Variants in SHISA6 observed in about 807,000 individuals in gnomAD.
SHISA6 encodes the protein protein shisa-6.
In SHISA6, 22 loss-of-function variants were observed where a neutral mutation model predicts 47.9. The ratio of observed to expected loss-of-function variants is 0.46; its 90% CI spans 0.33 to 0.66. The LOEUF is 0.66. Ranked by LOEUF, SHISA6 falls within the 30% of genes least tolerant of loss-of-function variation. The pLI, the probability that SHISA6 is intolerant of heterozygous loss-of-function variation, is 0.02. For synonymous variants in SHISA6, 388 were observed against 337.8 expected (o/e 1.15, Z -1.63); for missense variants, 680 against 764.6 (o/e 0.89, Z 1.30).
intron 5 of SHISA6, among the ~76,000 whole-genome samples, chr17:11,556,937 T>C (rs2071986417): frequency 6.6e-6 from 1 of 152,172 alleles, no homozygotes; most frequent in African/African-American, 2.4e-5. Context: ...GCTTGTAGCA[T>C]GCAAGTTCCA....
chr17:11,315,786 C>T (rs1326711734), intron 2 of SHISA6, among the ~76,000 whole-genome samples: 1 of 152,096 alleles, frequency 6.6e-6, no homozygotes, highest in Non-Finnish European at 1.5e-5. Context: ...TGTTTGCCAA[C>T]ATTTTATTCA....
intron 3 of SHISA6, among the ~76,000 whole-genome samples, chr17:11,518,470 C>T (rs886339440): frequency 2.7e-5 from 4 of 150,886 alleles, no homozygotes; most frequent in Admixed American, 6.6e-5. Flanking sequence ...CAAACACATA[C>T]ACACATACAC....
intron 2 of SHISA6, among the ~76,000 whole-genome samples, chr17:11,309,622 A>G (rs967785825): frequency 1.3e-5 from 2 of 152,074 alleles, no homozygotes; most frequent in African/African-American, 4.8e-5. Context: ...CAGTGGCCAT[A>G]CTCTAAGGCA....
chr17:11,459,949 T>A (rs1002414473), intron 3 of SHISA6, among the ~76,000 whole-genome samples: 2 of 152,200 alleles, frequency 1.3e-5, no homozygotes. Flanking sequence ...AGAACCCTGA[T>A]GCGTTCAAGA....
intron 2 of SHISA6, among the ~76,000 whole-genome samples, chr17:11,296,771 C>T (rs1403228181): frequency 2.0e-5 from 3 of 151,998 alleles, no homozygotes; most frequent in African/African-American, 7.3e-5. Context: ...AGGTCATTTG[C>T]ATAGCAGGAG....
chr17:11,244,734 G>A (rs1048656334), intron 1 of SHISA6, among the ~76,000 whole-genome samples: 5 of 152,196 alleles, frequency 3.3e-5, no homozygotes, highest in African/African-American at 4.8e-5. Flanking sequence ...GAGAGGAAGC[G>A]GATGTGCATG....
intron 3 of SHISA6, among the ~76,000 whole-genome samples, chr17:11,430,975 G>C (rs2142289607): frequency 6.6e-6 from 1 of 152,312 alleles, no homozygotes; most frequent in Non-Finnish European, 1.5e-5. Context: ...GGCTGGAATG[G>C]GCATTTGCTA....
chr17:11,467,536 G>C (rs759703055), intron 3 of SHISA6, among the ~76,000 whole-genome samples: 2 of 152,136 alleles, frequency 1.3e-5, no homozygotes, highest in Non-Finnish European at 2.9e-5. Flanking sequence ...AGTGAGACAA[G>C]AGAGGGACCC....
At chr17:11,509,753 A>C (rs573449245) in intron 3 of SHISA6, among the ~76,000 whole-genome samples, 1 of 152,290 alleles carries the variant, frequency 6.6e-6, no homozygotes, top group Admixed American at 6.5e-5. Flanking sequence ...GCAGTGTCCC[A>C]CTCTGGGATA....
intron 3 of SHISA6, among the ~76,000 whole-genome samples, chr17:11,456,936 G>A (rs1475053352): frequency 1.3e-5 from 2 of 152,144 alleles, no homozygotes; most frequent in Non-Finnish European, 2.9e-5. Context: ...CTCAGCTCCT[G>A]TAGGCTGTCA....
chr17:11,506,700 A>G (rs1300974470), intron 3 of SHISA6, among the ~76,000 whole-genome samples: 1 of 152,210 alleles, frequency 6.6e-6, no homozygotes, highest in Non-Finnish European at 1.5e-5. Flanking sequence ...TACCTGAAAA[A>G]GCAGTGATTC....
chr17:11,387,195 C>T (rs1913224675), intron 3 of SHISA6, among the ~76,000 whole-genome samples: 1 of 152,152 alleles, frequency 6.6e-6, no homozygotes. Flanking sequence ...CAACCCTGAA[C>T]AGATCTCGTC....
intron 2 of SHISA6, among the ~76,000 whole-genome samples, chr17:11,358,483 C>T (rs1366039197): frequency 6.6e-6 from 1 of 151,578 alleles, no homozygotes; most frequent in African/African-American, 2.4e-5. Context: ...CCTCAGCCTC[C>T]CGAGTAGCTG....
Position 11,558,833 on chromosome 17 carries a change from G to C in SHISA6, c.*529G>C, listed in dbSNP as rs1451766137. 1 of 169,776 alleles carries C rather than the reference G, an allele frequency of 5.9e-6. No individual in the cohort carries two copies. The highest frequency in any genetic ancestry group is 2.4e-5 in the African/African-American group (1 of 41,832). The allele number at this position is 169,776 out of a possible 1,614,324, so 10.5% of individuals were successfully genotyped here. ...CTGCTCGCTCTCTCAGAGCCAGGGAGCTGCTGTGTCCATAAGCACAATAAT... is the reference window on the plus strand; with the variant it reads ...CTGCTCGCTCTCTCAGAGCCAGGGACCTGCTGTGTCCATAAGCACAATAAT... On this transcript the variant is annotated 3_prime_UTR_variant, in exon 6 of 6. Transcript: ENST00000441885.
chr17:11,370,779 G>A (rs1402315048), intron 2 of SHISA6, among the ~76,000 whole-genome samples: 4 of 152,136 alleles, frequency 2.6e-5, no homozygotes, highest in African/African-American at 9.7e-5. Flanking sequence ...ACCCTCTTTG[G>A]GTTTATACTT....
intron 1 of SHISA6, 140 bp downstream of exon 1, chr17:11,242,200 C>A: frequency 8.3e-7 from 1 of 1,199,586 alleles, no homozygotes; most frequent in Non-Finnish European, 1.2e-6. Flanking sequence ...CTTTTGCATG[C>A]AATAAATCAG....
At chr17:11,486,031 G>T (rs911098858) in intron 3 of SHISA6, among the ~76,000 whole-genome samples, 1 of 152,194 alleles carries the variant, frequency 6.6e-6, no homozygotes, top group East Asian at 1.9e-4. Context: ...AACAAAAACT[G>T]CTGTAAGAAG....
chr17:11,290,203 A>T (rs1909472200), intron 2 of SHISA6: 1 of 146,846 alleles, frequency 6.8e-6, no homozygotes, highest in African/African-American at 2.5e-5. Flanking sequence ...AATTTTGGAA[A>T]TTTGTAGTTT....
At chr17:11,330,713 A>G (rs1030474092) in intron 2 of SHISA6, among the ~76,000 whole-genome samples, 3 of 152,194 alleles carry the variant, frequency 2.0e-5, no homozygotes, top group African/African-American at 7.2e-5. Context: ...CACCTTGCCA[A>G]ATGAACAGCA....
Sources: gnomAD v4.1 joint callset for allele counts (sites outside exome capture counted in the v4.1 genomes callset) on GRCh38, gnomAD v4.1.1 for gene constraint, MANE v1.5 for transcripts, NCBI Gene and HGNC (gene_info 2026-07-23, HGNC 2026-07-21) for gene names.